BAZ2B: variants seen among roughly 807,000 people sequenced by gnomAD.
BAZ2B encodes the protein bromodomain adjacent to zinc finger domain protein 2B.
In BAZ2B, 91 loss-of-function variants were observed where a neutral mutation model predicts 246.0. The observed-to-expected ratio is 0.37, with a 90% CI of 0.31 to 0.44. The LOEUF (loss-of-function observed/expected upper bound fraction) is 0.44. Ranked by LOEUF, BAZ2B falls within the 20% of genes least tolerant of loss-of-function variation. BAZ2B has a pLI of 1.00. For synonymous variants in BAZ2B, 855 were observed against 860.0 expected (o/e 0.99, Z 0.10); for missense variants, 2,332 against 2,533.7 (o/e 0.92, Z 1.71).
chr2:159,516,814 T>G (rs1348592967), intron 2 of BAZ2B, among the ~76,000 whole-genome samples: 2 of 152,148 alleles, frequency 1.3e-5, no homozygotes, highest in Non-Finnish European at 2.9e-5. Context: ...CTTTCTTCCT[T>G]TTTAAAGAAG....
At chr2:159,670,407 C>T in the BAZ2B span, among the ~76,000 whole-genome samples, 4 of 152,148 alleles carry the variant, frequency 2.6e-5, no homozygotes, top group Non-Finnish European at 5.9e-5. Context: ...CATCTCTGAT[C>T]TTTCAGAGTT....
chr2:159,347,902 A>G (rs1247619815), intron 30 of BAZ2B, among the ~76,000 whole-genome samples: 1 of 152,202 alleles, frequency 6.6e-6, no homozygotes, highest in Non-Finnish European at 1.5e-5. Flanking sequence ...TTGTTGAGTA[A>G]AACAGAAAAA....
chr2:159,608,825 T>C (rs1448320662), intron 1 of BAZ2B, among the ~76,000 whole-genome samples: 1 of 152,166 alleles, frequency 6.6e-6, no homozygotes, highest in Non-Finnish European at 1.5e-5. Context: ...TGGCCATATA[T>C]TCTGTTATAT....
chr2:159,428,706 A>C (rs1239210187), intron 11 of BAZ2B, among the ~76,000 whole-genome samples: 1 of 152,110 alleles, frequency 6.6e-6, no homozygotes, highest in African/African-American at 2.4e-5. Context: ...GTTAATGTGT[A>C]CTGATTTTTT....
chr2:159,599,225 G>A (rs1344516981), intron 1 of BAZ2B, among the ~76,000 whole-genome samples: 2 of 152,082 alleles, frequency 1.3e-5, no homozygotes, highest in African/African-American at 4.8e-5. Context: ...TTGACTTTAC[G>A]AGCCCTCCCT....
chr2:159,445,353 T>C (rs1374651187), intron 6 of BAZ2B, among the ~76,000 whole-genome samples: 4 of 152,164 alleles, frequency 2.6e-5, no homozygotes, highest in Admixed American at 1.3e-4. Flanking sequence ...GAAAAGGAGA[T>C]GTAGGGAATA....
chr2:159,685,991 G>A, the BAZ2B span, among the ~76,000 whole-genome samples: 1 of 152,200 alleles, frequency 6.6e-6, no homozygotes, highest in East Asian at 1.9e-4. Flanking sequence ...ACTGGCCCTG[G>A]TGGCCCCCAC....
At chr2:159,657,872 G>A in the BAZ2B span, among the ~76,000 whole-genome samples, 1 of 152,276 alleles carries the variant, frequency 6.6e-6, no homozygotes, top group African/African-American at 2.4e-5. Flanking sequence ...CTTTAAATCT[G>A]CAAACAAAGA....
rs183790289 is a variant in BAZ2B at position 159,522,825 on chromosome 2, C to T, written c.-3+32998G>A. Among the ~76,000 whole-genome samples, 33 of 152,050 alleles carry T rather than the reference C, an allele frequency of 2.2e-4. 1 individual carries two copies. In the East Asian group the frequency reaches 2.5e-3, roughly 12 times the overall value. On this transcript the variant is annotated intron_variant, in intron 2 of 36. Transcript: ENST00000392783. ...ACTGTAGAGAAACAGACGCTTTAAA[C>T]GAGTATCTGTGCAATACCAAAAGCC...
chr2:159,380,998 T>C (rs2061937978), intron 25 of BAZ2B, among the ~76,000 whole-genome samples: 1 of 152,184 alleles, frequency 6.6e-6, no homozygotes, highest in Non-Finnish European at 1.5e-5. Context: ...TCACTGAACC[T>C]GAAGGTGGTC....
chr2:159,675,019 G>C, the BAZ2B span, among the ~76,000 whole-genome samples: 20 of 152,178 alleles, frequency 1.3e-4, no homozygotes, highest in South Asian at 4.2e-3. Flanking sequence ...ACGCTCTTGG[G>C]GAGCCAGAGT....
chr2:159,609,919 C>G (rs1267570154), intron 1 of BAZ2B, among the ~76,000 whole-genome samples: 1 of 152,220 alleles, frequency 6.6e-6, no homozygotes, highest in East Asian at 1.9e-4. Flanking sequence ...TATGAATATG[C>G]AACCAATTCA....
chr2:159,348,641 G>T, intron 30 of BAZ2B, 37 bp downstream of exon 30: 1 of 1,560,124 alleles, frequency 6.4e-7, no homozygotes, highest in Middle Eastern at 1.8e-4. Context: ...TCATAACTAA[G>T]CAAGAAAGAA....
intron 13 of BAZ2B, among the ~76,000 whole-genome samples, chr2:159,427,572 T>A (rs2070197689): frequency 6.6e-6 from 1 of 152,180 alleles, no homozygotes; most frequent in Non-Finnish European, 1.5e-5. Flanking sequence ...GACTGACTTA[T>A]AATAATAGGG....
At chr2:159,424,569 G>A (rs2069417087) in intron 13 of BAZ2B, among the ~76,000 whole-genome samples, 1 of 152,046 alleles carries the variant, frequency 6.6e-6, no homozygotes, top group African/African-American at 2.4e-5. Context: ...TAGAACTAAC[G>A]TTGGGGGTTT....
upstream of BAZ2B, among the ~76,000 whole-genome samples, chr2:159,620,013 C>T (rs998963060): frequency 6.6e-6 from 1 of 152,150 alleles, no homozygotes; most frequent in African/African-American, 2.4e-5. Context: ...AAATTCTATA[C>T]CTATTTACCT....
At chr2:159,642,890 G>A in the BAZ2B span, among the ~76,000 whole-genome samples, 2 of 151,838 alleles carry the variant, frequency 1.3e-5, no homozygotes, top group East Asian at 1.9e-4. Context: ...CAATATTATC[G>A]AGTATCTCAT....
chr2:159,558,870 G>A (rs2089514427), intron 1 of BAZ2B, among the ~76,000 whole-genome samples: 2 of 152,136 alleles, frequency 1.3e-5, no homozygotes, highest in South Asian at 4.1e-4. Flanking sequence ...GTTAAGATGG[G>A]TAAAAGAAGA....
chr2:159,396,560 T>TTC (rs2064052139), intron 19 of BAZ2B: 1 of 152,218 alleles, frequency 6.6e-6, no homozygotes, highest in Non-Finnish European at 1.5e-5. Flanking sequence ...TAATTTGACA[T>TTC]TCTCACTTTA....
Sources: allele counts gnomAD v4.1 joint callset (sites outside exome capture counted in the v4.1 genomes callset), GRCh38; gene constraint gnomAD v4.1.1; transcripts MANE v1.5; gene names NCBI Gene and HGNC (gene_info 2026-07-23, HGNC 2026-07-21).